PTAFR: variants seen among roughly 807,000 people sequenced by gnomAD.
PTAFR encodes platelet activating factor receptor.
In PTAFR, 8 loss-of-function variants were observed where a neutral mutation model predicts 14.7. The ratio of observed to expected loss-of-function variants is 0.54; its 90% CI spans 0.32 to 0.98. The LOEUF (loss-of-function observed/expected upper bound fraction) is 0.98. PTAFR is among the 50% of genes least tolerant of loss of function. The pLI is 0.04. For missense variants in PTAFR, 337 were observed against 451.2 expected (o/e 0.75, Z 2.29); for synonymous variants, 156 against 176.5 (o/e 0.88, Z 0.92).
rs1646157646 is a variant in PTAFR at position 28,149,835 on chromosome 1, G to T, written c.*158C>A. On this transcript the variant is annotated 3_prime_UTR_variant, in exon 2 of 2. Transcript: ENST00000373857. Reference sequence around the variant, plus strand: ...GAGTTCTGGATTTTCCAACAGCCTGGCTCTGCCATCATCCCTGCCCAGGTG... The same window carrying T: ...GAGTTCTGGATTTTCCAACAGCCTGTCTCTGCCATCATCCCTGCCCAGGTG... The T allele has an allele frequency of 2.1e-6, 2 of 964,584 alleles. No individual in the cohort carries two copies. Among genetic ancestry groups the T allele is most frequent in the Non-Finnish European group, 3.0e-6 (2 of 663,356 alleles). The allele number at this position is 964,584 out of a possible 1,614,324, so 59.8% of individuals were successfully genotyped here.
chr1:28,184,415 C>T (rs1386865676), intron 1 of PTAFR, among the ~76,000 whole-genome samples: 2 of 151,938 alleles, frequency 1.3e-5, no homozygotes, highest in Admixed American at 6.6e-5. Flanking sequence ...AATACAGCAA[C>T]GCGGTTGAAC....
chr1:28,172,838 T>C (rs1646466437), intron 1 of PTAFR, among the ~76,000 whole-genome samples: 1 of 152,086 alleles, frequency 6.6e-6, no homozygotes, highest in Non-Finnish European at 1.5e-5. Flanking sequence ...GGGGTTTTTA[T>C]CTGCAAAATG....
upstream of PTAFR, among the ~76,000 whole-genome samples, chr1:28,179,719 A>G (rs1224868337): frequency 1.3e-5 from 2 of 152,040 alleles, no homozygotes; most frequent in Non-Finnish European, 2.9e-5. Flanking sequence ...ACCGCTGGTA[A>G]TCCCAGTGGC....
intron 1 of PTAFR, among the ~76,000 whole-genome samples, chr1:28,193,016 C>G (rs1191659154): frequency 6.6e-6 from 1 of 152,196 alleles, no homozygotes; most frequent in Non-Finnish European, 1.5e-5. Flanking sequence ...CTCAGCTCTG[C>G]CCTTCTTGCT....
chr1:28,189,917 T>G (rs1052906330), intron 1 of PTAFR, among the ~76,000 whole-genome samples: 6 of 151,932 alleles, frequency 3.9e-5, no homozygotes, highest in African/African-American at 1.5e-4. Flanking sequence ...CTGCCTGCCT[T>G]AGTCTCCCAA....
chr1:28,152,001 T>C (rs1226174985), intron 1 of PTAFR, among the ~76,000 whole-genome samples: 1 of 152,072 alleles, frequency 6.6e-6, no homozygotes, highest in Non-Finnish European at 1.5e-5. Context: ...CAAGCAATCT[T>C]CCCACCTCAG....
chr1:28,173,655 GAA>G (rs771292788), intron 1 of PTAFR, among the ~76,000 whole-genome samples: 1 of 108,332 alleles, frequency 9.2e-6, no homozygotes, highest in Non-Finnish European at 2.0e-5. Context: ...TGTCTCAAAA[GAA>G]AAAAAAAAAG....
At chr1:28,173,105 CA>C (rs68034962) in intron 1 of PTAFR, among the ~76,000 whole-genome samples, 239 of 50,126 alleles carry the variant, frequency 4.8e-3, no homozygotes, top group East Asian at 7.7e-3. Flanking sequence ...CCCGTTTCCA[CA>C]AAAAAAAAAA....
intron 1 of PTAFR, among the ~76,000 whole-genome samples, chr1:28,176,133 G>T (rs931213795): frequency 1.3e-5 from 2 of 152,038 alleles, no homozygotes; most frequent in African/African-American, 4.8e-5. Flanking sequence ...TGAGAAAGGT[G>T]CCAGAAAAAT....
At chr1:28,176,974 G>T, upstream of PTAFR, 1 of 152,710 alleles carries the variant, frequency 6.5e-6, no homozygotes. Flanking sequence ...GAGAGATGAG[G>T]GACCAGGAAA....
In PTAFR at chr1:28,154,637, C is replaced by A. The variant is rs143081635; in HGVS notation, c.-38-3578G>T. ...GACCAGCCTGGGCAACACGGTGAAA[C>A]CCCATCTCTACTAAAATACAAAAAA... On this transcript the variant is annotated intron_variant, in intron 1 of 1. Coordinates refer to ENST00000373857, the MANE Select transcript of PTAFR (RefSeq NM_000952.5). Among the ~76,000 whole-genome samples the A allele has an allele frequency of 7.8e-3, 1,183 of 151,916 alleles. 20 individuals carry two copies. Among genetic ancestry groups the A allele is most frequent in the African/African-American group, 0.027 (1,123 of 41,424 alleles).
At chr1:28,169,653 A>C (rs924789896) in intron 1 of PTAFR, among the ~76,000 whole-genome samples, 4 of 152,166 alleles carry the variant, frequency 2.6e-5, no homozygotes, top group African/African-American at 9.7e-5. Flanking sequence ...GATAATACCC[A>C]GGCACATACC....
chr1:28,181,850 C>T (rs374262666), intron 1 of PTAFR, among the ~76,000 whole-genome samples: 126 of 152,160 alleles, frequency 8.3e-4, no homozygotes, highest in African/African-American at 2.8e-3. Flanking sequence ...GAGCTCATGC[C>T]TATAATCCCA....
upstream of PTAFR, among the ~76,000 whole-genome samples, chr1:28,179,106 G>T (rs534019282): frequency 6.6e-6 from 1 of 152,282 alleles, no homozygotes; most frequent in Non-Finnish European, 1.5e-5. Context: ...GTCTGTACAT[G>T]AACTTAGCCT....
intron 1 of PTAFR, among the ~76,000 whole-genome samples, chr1:28,170,554 A>T (rs1223584329): frequency 6.6e-6 from 1 of 150,436 alleles, no homozygotes; most frequent in East Asian, 1.9e-4. Flanking sequence ...ATTAAAAATT[A>T]AAAAAAAAAT....
At chr1:28,182,642 C>T (rs1557697925) in intron 1 of PTAFR, among the ~76,000 whole-genome samples, 2 of 151,642 alleles carry the variant, frequency 1.3e-5, no homozygotes, top group South Asian at 4.2e-4. Context: ...GCTAAGGGTA[C>T]ATGAGGATCC....
intron 1 of PTAFR, among the ~76,000 whole-genome samples, chr1:28,162,976 C>G (rs1174707584): frequency 2.0e-5 from 3 of 152,140 alleles, no homozygotes; most frequent in Admixed American, 2.0e-4. Context: ...GCTCCCCTGG[C>G]CCAGGATCAA....
chr1:28,154,091 A>G (rs1421559781), intron 1 of PTAFR, among the ~76,000 whole-genome samples: 6 of 150,844 alleles, frequency 4.0e-5, no homozygotes, highest in African/African-American at 1.5e-4. Flanking sequence ...GAAAAAAAAA[A>G]AAAAAAAAAA....
In PTAFR at chr1:28,149,563, GACCC is replaced by G; in HGVS notation, c.*426_*429del. 1 of 171,068 alleles carries G rather than the reference GACCC, an allele frequency of 5.8e-6. No individual in the cohort carries two copies. The highest frequency in any genetic ancestry group is 1.3e-4 in the South Asian group (1 of 7,448). 10.6% of individuals were successfully genotyped at this position (171,068 alleles called of 1,614,324 possible). ...TTGGCCAGGATGGTCTCGATCTCTT[GACCC>G]ATGATCTGCCCACCTCGGCCTCCCA... On this transcript the variant is annotated 3_prime_UTR_variant, in exon 2 of 2. Transcript: ENST00000373857.
Sources: allele counts gnomAD v4.1 joint callset (sites outside exome capture counted in the v4.1 genomes callset), GRCh38; gene constraint gnomAD v4.1.1; transcripts MANE v1.5; gene names NCBI Gene and HGNC (gene_info 2026-07-23, HGNC 2026-07-21).